AFAP1L2: variants seen among roughly 807,000 people sequenced by gnomAD.
AFAP1L2 encodes the protein actin filament-associated protein 1-like 2.
Under a neutral mutation model 99.3 loss-of-function variants are expected in AFAP1L2, and 46 were observed. The ratio of observed to expected loss-of-function variants is 0.46; its 90% CI spans 0.37 to 0.59. The LOEUF is 0.59. AFAP1L2 is among the 20% of genes least tolerant of loss of function. The pLI is 0.00. For missense variants in AFAP1L2, 959 were observed against 1,034.9 expected, an observed-to-expected ratio of 0.93 and a Z score of 1.01; for synonymous variants, 397 against 419.1, an observed-to-expected ratio of 0.95 and a Z score of 0.64.
chr10:114,322,568 A>G (rs1440546090), intron 5 of AFAP1L2, among the ~76,000 whole-genome samples: 2 of 152,078 alleles, frequency 1.3e-5, no homozygotes, highest in Non-Finnish European at 2.9e-5. Context: ...AGCCTTCCCT[A>G]TCTAAAGTAA....
At chr10:114,284,369 A>G in the AFAP1L2 span, among the ~76,000 whole-genome samples, 27 of 152,216 alleles carry the variant, frequency 1.8e-4, no homozygotes, top group Non-Finnish European at 4.0e-4. Flanking sequence ...AGATGAGGAT[A>G]TGAAGATGGG....
chr10:114,351,051 C>T (rs527854137), intron 1 of AFAP1L2, among the ~76,000 whole-genome samples: 5 of 152,288 alleles, frequency 3.3e-5, no homozygotes, highest in Admixed American at 6.5e-5. Context: ...TCTCCCTGCG[C>T]GGCAAGTCCC....
In AFAP1L2 at chr10:114,347,163, C is replaced by T. The variant is rs186777334; in HGVS notation, c.17-6432G>A. On this transcript the variant is annotated intron_variant, in intron 1 of 18. Transcript: ENST00000304129. ...AGATCAAGCCACTGAATGTATTATC[C>T]TCATGAGCCCAACTGCTGGGGAGCA... Among the ~76,000 whole-genome samples, 202 of 152,302 alleles carry T rather than the reference C, an allele frequency of 1.3e-3. 1 individual carries two copies. Among genetic ancestry groups the T allele is most frequent in the African/African-American group, 4.5e-3 (186 of 41,578 alleles).
chr10:114,313,764 T>C, intron 7 of AFAP1L2, 107 bp downstream of exon 7: 1 of 1,206,342 alleles, frequency 8.3e-7, no homozygotes, highest in African/African-American at 1.5e-5. Context: ...CCCTGCAAAC[T>C]TGAAGGATCA....
rs1040268925 is a variant in AFAP1L2, at chr10:114,295,017, A to T, written c.*1025T>A. On this transcript the variant is annotated 3_prime_UTR_variant, in exon 19 of 19. Coordinates refer to ENST00000304129, the MANE Select transcript of AFAP1L2 (RefSeq NM_001001936.3). ...TAGATGAAATGTTTCAACCTGTGTTAAAAAAAAAAAAAAAAAAATGCCATC... is the reference window on the plus strand; with the variant it reads ...TAGATGAAATGTTTCAACCTGTGTTTAAAAAAAAAAAAAAAAAATGCCATC... 2.6e-5 allele frequency: 5 copies of T among 195,926 alleles called. No individual in the cohort carries two copies. The East Asian group carries it at 4.0e-3, about 159-fold the overall frequency. 12.1% of individuals were successfully genotyped at this position (195,926 alleles called of 1,614,324 possible). A position where few individuals can be genotyped will look rare whatever the true frequency, so the allele number is the denominator to read the frequency against.
intron 11 of AFAP1L2, among the ~76,000 whole-genome samples, chr10:114,303,732 C>T (rs1045736213): frequency 1.3e-5 from 2 of 152,198 alleles, no homozygotes; most frequent in African/African-American, 4.8e-5. Flanking sequence ...CTCCGATCCA[C>T]TCCCACCCCA....
At chr10:114,353,119 C>T (rs959655667) in intron 1 of AFAP1L2, among the ~76,000 whole-genome samples, 1 of 152,204 alleles carries the variant, frequency 6.6e-6, no homozygotes, top group Non-Finnish European at 1.5e-5. Flanking sequence ...AGACCCATGA[C>T]CAGAGCCAAG....
At chr10:114,363,315 G>T in intron 1 of AFAP1L2, 1 of 386,446 alleles carries the variant, frequency 2.6e-6, no homozygotes. Context: ...CTCTGAGGCA[G>T]CGTTTCACTG....
downstream of AFAP1L2, among the ~76,000 whole-genome samples, chr10:114,292,866 T>C (rs1001110060): frequency 1.3e-5 from 2 of 152,018 alleles, no homozygotes; most frequent in African/African-American, 4.8e-5. Flanking sequence ...CCACCATGCC[T>C]AGCTAATTTT....
chr10:114,289,850 A>G (rs568221222), downstream of AFAP1L2: 27 of 358,660 alleles, frequency 7.5e-5, no homozygotes, highest in South Asian at 8.5e-4. Flanking sequence ...AAACAGGGCC[A>G]GGCCAGCCCA....
chr10:114,289,856 G>A (rs1017756222), downstream of AFAP1L2: 2 of 349,258 alleles, frequency 5.7e-6, no homozygotes, highest in Admixed American at 4.1e-5. Context: ...GGCCAGGCCA[G>A]CCCAAATCCA....
chr10:114,318,149 G>A (rs951104670), intron 5 of AFAP1L2, among the ~76,000 whole-genome samples: 3 of 152,212 alleles, frequency 2.0e-5, no homozygotes, highest in Non-Finnish European at 4.4e-5. Context: ...AGTAGGATCA[G>A]GGTGATTTAA....
At chr10:114,398,944 A>C (rs1274558334) in intron 1 of AFAP1L2, 2 of 1,302,276 alleles carry the variant, frequency 1.5e-6, no homozygotes, top group Non-Finnish European at 2.0e-6. Flanking sequence ...GGGAAAGCCA[A>C]GGGTGGCCAC....
intron 10 of AFAP1L2, among the ~76,000 whole-genome samples, chr10:114,307,303 G>T (rs1350347292): frequency 6.6e-6 from 1 of 151,852 alleles, no homozygotes; most frequent in Admixed American, 6.6e-5. Flanking sequence ...ACTCCTACAT[G>T]CCCCTCAAGG....
intron 1 of AFAP1L2, among the ~76,000 whole-genome samples, chr10:114,399,275 C>A (rs75686560): frequency 1.3e-5 from 2 of 152,040 alleles, no homozygotes; most frequent in South Asian, 4.1e-4. Flanking sequence ...TGCCCACCTG[C>A]GATGTGCTAG....
At chr10:114,369,639 A>G (rs1374216287) in intron 1 of AFAP1L2, among the ~76,000 whole-genome samples, 1 of 151,814 alleles carries the variant, frequency 6.6e-6, no homozygotes, top group Non-Finnish European at 1.5e-5. Flanking sequence ...AAATTTTCAT[A>G]CATACGAAGT....
rs773960629 is a variant in AFAP1L2 at position 114,315,781 on chromosome 10, G to A, written c.407-16C>T. 6.3e-7 allele frequency: 1 copy of A among 1,599,690 alleles called. No individual in the cohort carries two copies. Among genetic ancestry groups the A allele is most frequent in the Non-Finnish European group, 8.5e-7 (1 of 1,172,920 alleles). On this transcript the variant is annotated splice_polypyrimidine_tract_variant and intron_variant, in intron 5 of 18. Transcript: ENST00000304129. Reference sequence around the variant, plus strand: ...TCTCCGTCCTCTGCAAGGAAGACCAGCTCGGTCAGGGCCCCATGGGGCAGG... The same window carrying A: ...TCTCCGTCCTCTGCAAGGAAGACCAACTCGGTCAGGGCCCCATGGGGCAGG...
At chr10:114,324,404 C>CCCCA (rs2045907288) in intron 4 of AFAP1L2, among the ~76,000 whole-genome samples, 2 of 141,520 alleles carry the variant, frequency 1.4e-5, no homozygotes, top group African/African-American at 5.4e-5. Context: ...CCACCCCCCC[C>CCCCA]CCCCCCCCGG....
chr10:114,329,892 T>G (rs1388846292), intron 4 of AFAP1L2, among the ~76,000 whole-genome samples: 4 of 152,172 alleles, frequency 2.6e-5, no homozygotes, highest in African/African-American at 9.7e-5. Flanking sequence ...TTTTTAACTC[T>G]GAGTCTGTTT....
Sources: gnomAD v4.1 joint callset for allele counts (sites outside exome capture counted in the v4.1 genomes callset) on GRCh38, gnomAD v4.1.1 for gene constraint, MANE v1.5 for transcripts, NCBI Gene and HGNC (gene_info 2026-07-23, HGNC 2026-07-21) for gene names.